PRKCB: variants seen among roughly 807,000 people sequenced by gnomAD.
PRKCB encodes protein kinase C beta, also known as protein kinase C beta type.
A neutral mutation model predicts 81.5 loss-of-function variants in PRKCB; 13 were observed. The observed-to-expected ratio is 0.16, with a 90% confidence interval of 0.10 to 0.25. The LOEUF (loss-of-function observed/expected upper bound fraction) is 0.25, where lower values mean the gene tolerates loss of function less well. Among genes scored for constraint, PRKCB ranks in the 10% least tolerant of loss-of-function variants. The pLI is 1.00. For missense variants in PRKCB, 509 were observed against 875.7 expected (o/e 0.58, Z 5.29); for synonymous variants, 335 against 321.4 (o/e 1.04, Z -0.45).
intron 16 of PRKCB, among the ~76,000 whole-genome samples, chr16:24,206,718 C>T (rs1024609209): frequency 6.6e-6 from 1 of 152,206 alleles, no homozygotes; most frequent in African/African-American, 2.4e-5. Flanking sequence ...AATGGCAGCA[C>T]CTGTCCCATG....
intron 2 of PRKCB, among the ~76,000 whole-genome samples, chr16:23,851,853 A>G (rs1049269129): frequency 6.6e-6 from 1 of 151,928 alleles, no homozygotes; most frequent in Non-Finnish European, 1.5e-5. Flanking sequence ...ATTGTAAATT[A>G]GTTTGTTTTC....
chr16:24,008,667 C>G (rs1435493356), intron 3 of PRKCB, among the ~76,000 whole-genome samples: 1 of 152,168 alleles, frequency 6.6e-6, no homozygotes, highest in South Asian at 2.1e-4. Context: ...CTTTTCCCCC[C>G]ACCCCCAGTG....
At chr16:23,916,241 T>C (rs935752788) in intron 2 of PRKCB, among the ~76,000 whole-genome samples, 1 of 150,040 alleles carries the variant, frequency 6.7e-6, no homozygotes, top group African/African-American at 2.5e-5. Flanking sequence ...TTTTTTTTTT[T>C]TGAGACGAGG....
In PRKCB at chr16:23,876,991, G is replaced by C. The variant is rs561996652; in HGVS notation, c.205+39585G>C. Among the ~76,000 whole-genome samples, 724 of 152,238 alleles carry C rather than the reference G, an allele frequency of 4.8e-3. 9 individuals are homozygous for C. Among genetic ancestry groups the C allele is most frequent in the African/African-American group, 0.016 (684 of 41,520 alleles). On this transcript the variant is annotated intron_variant, in intron 2 of 16. Transcript: ENST00000643927. ...AAAGAATTTGTTAGAAGGATATGGG[G>C]GGGGAGGGATGGACAGAGATGTGAA...
intron 2 of PRKCB, among the ~76,000 whole-genome samples, chr16:23,969,187 A>G (rs1964526176): frequency 1.3e-5 from 2 of 152,078 alleles, no homozygotes; most frequent in South Asian, 4.2e-4. Flanking sequence ...AAAACCAAAA[A>G]GACATTCTCC....
intron 2 of PRKCB, among the ~76,000 whole-genome samples, chr16:23,923,453 A>G (rs1342680129): frequency 6.6e-6 from 1 of 152,080 alleles, no homozygotes; most frequent in Non-Finnish European, 1.5e-5. Flanking sequence ...GGCCAGTGAA[A>G]AAGCAATGTG....
intron 9 of PRKCB, among the ~76,000 whole-genome samples, chr16:24,128,019 G>C (rs1966847403): frequency 6.9e-6 from 1 of 143,994 alleles, no homozygotes; most frequent in Admixed American, 7.1e-5. Flanking sequence ...ATGGGGCTTT[G>C]GGGTAATCTG....
chr16:23,927,602 A>G (rs1459688727), intron 2 of PRKCB, among the ~76,000 whole-genome samples: 7 of 152,036 alleles, frequency 4.6e-5, no homozygotes, highest in Non-Finnish European at 8.8e-5. Flanking sequence ...AGGCGGTGGT[A>G]GTAATCTAGG....
intron 2 of PRKCB, chr16:23,962,896 C>T (rs916454385): frequency 1.3e-5 from 2 of 152,070 alleles, no homozygotes; most frequent in Non-Finnish European, 2.9e-5. Context: ...ATTCTTCACC[C>T]CCTCCCACCA....
At chr16:24,104,047 C>T (rs1258311844) in intron 7 of PRKCB, among the ~76,000 whole-genome samples, 3 of 152,126 alleles carry the variant, frequency 2.0e-5, no homozygotes, top group East Asian at 1.9e-4. Flanking sequence ...TCAGGTGATC[C>T]GCCCGCCTCG....
At chr16:23,897,000 T>G (rs529300264) in intron 2 of PRKCB, among the ~76,000 whole-genome samples, 1 of 149,564 alleles carries the variant, frequency 6.7e-6, no homozygotes, top group Non-Finnish European at 1.5e-5. Context: ...ACCCACCCAC[T>G]CATCCATCTA....
chr16:24,104,097 G>A (rs9924557), intron 7 of PRKCB, among the ~76,000 whole-genome samples: 1 of 151,882 alleles, frequency 6.6e-6, no homozygotes, highest in African/African-American at 2.4e-5. Context: ...GAGACACCAC[G>A]CCCAGCTAAG....
chr16:23,951,540 C>T (rs901148247), intron 2 of PRKCB, among the ~76,000 whole-genome samples: 2 of 151,338 alleles, frequency 1.3e-5, no homozygotes, highest in Non-Finnish European at 2.9e-5. Flanking sequence ...CTTAGCCTCC[C>T]TAGTAAATGG....
chr16:24,140,922 A>G (rs1280007419), intron 9 of PRKCB, among the ~76,000 whole-genome samples: 1 of 152,180 alleles, frequency 6.6e-6, no homozygotes, highest in Non-Finnish European at 1.5e-5. Flanking sequence ...AATGTTTCCC[A>G]AATTTAGCTT....
At chr16:23,919,295 T>G (rs1341905500) in intron 2 of PRKCB, among the ~76,000 whole-genome samples, 2 of 151,692 alleles carry the variant, frequency 1.3e-5, no homozygotes, top group Admixed American at 6.6e-5. Context: ...CAAATCAAAT[T>G]ATACTACTTA....
At chr16:24,057,046 G>A (rs1015490634) in intron 5 of PRKCB, among the ~76,000 whole-genome samples, 16 of 152,142 alleles carry the variant, frequency 1.1e-4, no homozygotes, top group African/African-American at 3.9e-4. Flanking sequence ...TGGTTGTGGT[G>A]GGTGTCTATG....
intron 2 of PRKCB, among the ~76,000 whole-genome samples, chr16:23,983,322 C>T (rs144444064): frequency 3.3e-5 from 5 of 152,314 alleles, no homozygotes; most frequent in Non-Finnish European, 5.9e-5. Flanking sequence ...GCACCAGAAG[C>T]TCATGAGGTT....
intron 7 of PRKCB, among the ~76,000 whole-genome samples, chr16:24,097,578 CA>C (rs1160097976): frequency 6.6e-6 from 1 of 152,178 alleles, no homozygotes; most frequent in Non-Finnish European, 1.5e-5. Flanking sequence ...AGATTTCAAT[CA>C]GTTTAGAAAG....
intron 10 of PRKCB, among the ~76,000 whole-genome samples, chr16:24,160,709 A>G (rs760631019): frequency 7.9e-5 from 12 of 152,198 alleles, no homozygotes; most frequent in Non-Finnish European, 7.3e-5. Context: ...AACTATAATA[A>G]TGACACAAAG....
Sources: gnomAD v4.1 joint callset for allele counts (sites outside exome capture counted in the v4.1 genomes callset) on GRCh38, gnomAD v4.1.1 for gene constraint, MANE v1.5 for transcripts, NCBI Gene and HGNC (gene_info 2026-07-23, HGNC 2026-07-21) for gene names.